The following LUC7L3 variants were observed in gnomAD, a reference collection of about 807,000 sequenced individuals.
LUC7L3 encodes LUC7 like 3 pre-mRNA splicing factor, also known as luc7-like protein 3.
LUC7L3 carries 6 observed loss-of-function variants against 66.8 expected under a neutral mutation model. The observed-to-expected ratio is 0.09, with a 90% confidence interval of 0.05 to 0.18. LUC7L3 has a LOEUF of 0.18. Ranked by LOEUF, LUC7L3 falls within the 10% of genes least tolerant of loss-of-function variation. The pLI is 1.00. For synonymous variants in LUC7L3, 160 were observed against 174.7 expected, an observed-to-expected ratio of 0.92 and a Z score of 0.66; for missense variants, 341 against 531.1, an observed-to-expected ratio of 0.64 and a Z score of 3.52.
Position 50,745,752 on chromosome 17 carries a change from T to A in LUC7L3, c.726T>A (p.Asp242Glu). 1 of 1,588,538 alleles carries A rather than the reference T, an allele frequency of 6.3e-7. No homozygotes were observed. Among genetic ancestry groups the A allele is most frequent in the Non-Finnish European group, 8.5e-7 (1 of 1,173,774 alleles). ...TAAGGAAAAGAACCGAAGAACCTGA[T>A]CGTGATGAGCGTCTAAAAAAGGAGA... ...EKLRKRTEEP[D>E]RDERLKKEKQ... The change falls in exon 8 of 10, where the codon GAT (aspartate) becomes GAA (glutamate). Residue 242 changes from aspartate (D) to glutamate (E), a missense_variant. Asp to Glu is a conservative substitution (Grantham distance 45). Around this residue, in one of 6 missense-constraint regions of LUC7L3, gnomAD observed 210 missense variants for 238.1 expected, o/e 0.88. Transcript: ENST00000505658.
At chr17:50,736,833 A>C in intron 1 of LUC7L3, 127 bp from the exon 2 acceptor site, 1 of 643,378 alleles carries the variant, frequency 1.6e-6, no homozygotes, top group Non-Finnish European at 2.7e-6. Flanking sequence ...TGATTCAACA[A>C]ATGAAATTCT....
intron 9 of LUC7L3, among the ~76,000 whole-genome samples, chr17:50,750,287 C>A (rs1970917715): frequency 6.6e-6 from 1 of 152,024 alleles, no homozygotes; most frequent in Non-Finnish European, 1.5e-5. Context: ...GAGAATTTAC[C>A]CACTATTTTA....
At chr17:50,749,742 T>G (rs1180501394) in intron 9 of LUC7L3, among the ~76,000 whole-genome samples, 1 of 152,218 alleles carries the variant, frequency 6.6e-6, no homozygotes, top group Non-Finnish European at 1.5e-5. Flanking sequence ...GGGGAATACT[T>G]GGAACTGAAA....
At chr17:50,744,186 T>C (rs375469136) in intron 6 of LUC7L3, among the ~76,000 whole-genome samples, 1 of 152,228 alleles carries the variant, frequency 6.6e-6, no homozygotes. Context: ...TCTAATTCTT[T>C]TAATTGGAGA....
intron 9 of LUC7L3, 147 bp from the exon 10 acceptor site, chr17:50,750,354 A>G: frequency 1.4e-6 from 1 of 720,724 alleles, no homozygotes; most frequent in East Asian, 2.7e-5. Context: ...TACAAATTTT[A>G]TCCCTTTGGT....
Position 50,751,395 on chromosome 17 carries a change from C to G in LUC7L3, c.*734C>G. On this transcript the variant is annotated 3_prime_UTR_variant, in exon 10 of 10. Coordinates refer to ENST00000505658, the MANE Select transcript of LUC7L3 (RefSeq NM_016424.5). ...TGCCAGGTACTCCTTTCTCTACCCA[C>G]ATCCATGTTTGAATGCTATTGCCTG... 1.5e-6 allele frequency: 2 copies of G among 1,291,222 alleles called. No homozygotes were observed. The highest frequency in any genetic ancestry group is 1.5e-5 in the African/African-American group (1 of 66,062). 80.0% of individuals were successfully genotyped at this position (1,291,222 alleles called of 1,614,324 possible).
In LUC7L3 at chr17:50,726,641, A is replaced by AC. The variant is rs200906962; in HGVS notation, c.99+6811dup. Among the ~76,000 whole-genome samples, 170 of 152,320 alleles carry AC rather than the reference A, an allele frequency of 1.1e-3. 1 individual carries two copies. The East Asian group carries it at 0.028, about 25-fold the overall frequency. On this transcript the variant is annotated intron_variant, in intron 1 of 9. Coordinates refer to ENST00000505658, the MANE Select transcript of LUC7L3 (RefSeq NM_016424.5). Reference sequence around the variant, plus strand: ...GCACCTGGGGTTGCTGGCATTTGAGACAATTCATCTTTTGTATACAGATGA... The same window carrying AC: ...GCACCTGGGGTTGCTGGCATTTGAGACCAATTCATCTTTTGTATACAGATGA...
At chr17:50,730,893 TC>T (rs1969563425) in intron 1 of LUC7L3, among the ~76,000 whole-genome samples, 1 of 152,104 alleles carries the variant, frequency 6.6e-6, no homozygotes, top group African/African-American at 2.4e-5. Flanking sequence ...TGAGCCAAGA[TC>T]GTGACACTGC....
chr17:50,719,865 T>A lies in LUC7L3; in HGVS notation c.99+34T>A, dbSNP rs755412112. On this transcript the variant is annotated intron_variant, in intron 1 of 9. Transcript: ENST00000505658. ...CGCGGGCCTTGGCCTGAGCCCGGGCTCCGTGGGGGAGGGGAGCGGGCGCGG... is the reference window on the plus strand; with the variant it reads ...CGCGGGCCTTGGCCTGAGCCCGGGCACCGTGGGGGAGGGGAGCGGGCGCGG... 3.2e-6 allele frequency: 5 copies of A among 1,573,488 alleles called. No homozygotes were observed. The South Asian group carries it at 5.7e-5, about 18-fold the overall frequency.
chr17:50,746,498 T>C (rs563634283), intron 8 of LUC7L3, 44 bp from the exon 9 acceptor site: 21 of 1,589,086 alleles, frequency 1.3e-5, no homozygotes, highest in African/African-American at 4.1e-5. Flanking sequence ...CCTTTACTTA[T>C]TGTAATACTG....
intron 5 of LUC7L3, among the ~76,000 whole-genome samples, chr17:50,742,757 A>G (rs922669170): frequency 6.6e-6 from 1 of 152,092 alleles, no homozygotes; most frequent in Non-Finnish European, 1.5e-5. Context: ...AAAGATTTAC[A>G]CTCCAGTGTT....
At chr17:50,729,896 T>TTTTATATATA (rs1353844154) in intron 1 of LUC7L3, among the ~76,000 whole-genome samples, 9 of 65,568 alleles carry the variant, frequency 1.4e-4, no homozygotes, top group African/African-American at 4.4e-4. Context: ...TATAAATACA[T>TTTTATATATA]TATATATATA....
At chr17:50,720,272 C>G (rs1167674418) in intron 1 of LUC7L3, among the ~76,000 whole-genome samples, 1 of 152,244 alleles carries the variant, frequency 6.6e-6, no homozygotes, top group Non-Finnish European at 1.5e-5. Context: ...GTAATTACAG[C>G]ATGACGCTTA....
chr17:50,751,516 G>GT lies in LUC7L3; in HGVS notation c.*857dup. ...TTGCGTGAAAACTTATAAAACAAAT[G>GT]TTAACAGAATGGAATTTTTTTTCAA... On this transcript the variant is annotated 3_prime_UTR_variant, in exon 10 of 10. Coordinates refer to ENST00000505658, the MANE Select transcript of LUC7L3 (RefSeq NM_016424.5). The GT allele has an allele frequency of 1.7e-6, 2 of 1,176,962 alleles. No individual in the cohort carries two copies. Among genetic ancestry groups the GT allele is most frequent in the Non-Finnish European group, 2.1e-6 (2 of 935,202 alleles). The allele number at this position is 1,176,962 out of a possible 1,614,324, so 72.9% of individuals were successfully genotyped here.
intron 1 of LUC7L3, among the ~76,000 whole-genome samples, chr17:50,725,345 G>A (rs539738558): frequency 9.2e-5 from 14 of 152,028 alleles, no homozygotes; most frequent in Non-Finnish European, 2.1e-4. Flanking sequence ...GGGAGGTGGA[G>A]GTTGCAGTGA....
At chr17:50,732,519 C>CT (rs1169874901) in intron 1 of LUC7L3, among the ~76,000 whole-genome samples, 1 of 151,584 alleles carries the variant, frequency 6.6e-6, no homozygotes, top group Non-Finnish European at 1.5e-5. Context: ...GTAGCTGGGA[C>CT]TACAGGTGTG....
At chr17:50,737,259 C>T (rs1351738701) in intron 2 of LUC7L3, 1 of 634,698 alleles carries the variant, frequency 1.6e-6, no homozygotes, top group African/African-American at 1.8e-5. Flanking sequence ...TCCCAAAACT[C>T]CACTTAAATG....
At chr17:50,735,798 A>G (rs1274591846) in intron 1 of LUC7L3, among the ~76,000 whole-genome samples, 1 of 152,090 alleles carries the variant, frequency 6.6e-6, no homozygotes, top group Non-Finnish European at 1.5e-5. Flanking sequence ...ATGCCTGACC[A>G]ACGCTGCCTT....
chr17:50,729,612 C>T (rs577872511), intron 1 of LUC7L3, among the ~76,000 whole-genome samples: 1 of 152,088 alleles, frequency 6.6e-6, no homozygotes, highest in African/African-American at 2.4e-5. Flanking sequence ...TTAGGCATGC[C>T]AGTTCACCTA....
Sources: gnomAD v4.1 joint callset for allele counts (sites outside exome capture counted in the v4.1 genomes callset) on GRCh38, gnomAD v4.1.1 for gene constraint, gnomAD v4.1.1 regional missense constraint, MANE v1.5 for transcripts, NCBI Gene and HGNC (gene_info 2026-07-23, HGNC 2026-07-21) for gene names.